Variants in GSK3B observed in about 807,000 individuals in gnomAD.
GSK3B encodes the protein glycogen synthase kinase 3 beta.
Under a neutral mutation model 56.4 loss-of-function variants are expected in GSK3B, and 15 were observed. That is an observed-to-expected ratio of 0.27 (90% confidence interval 0.18 to 0.41). The LOEUF is 0.41. Ranked by LOEUF, GSK3B falls within the 10% of genes least tolerant of loss-of-function variation. The pLI, the probability that GSK3B is intolerant of heterozygous loss-of-function variation, is 1.00. For missense variants in GSK3B, 300 were observed against 513.4 expected, an observed-to-expected ratio of 0.58 and a Z score of 4.02; for synonymous variants, 181 against 188.9, an observed-to-expected ratio of 0.96 and a Z score of 0.34.
intron 2 of GSK3B, among the ~76,000 whole-genome samples, chr3:119,962,026 A>C (rs2057277225): frequency 6.6e-6 from 1 of 152,226 alleles, no homozygotes; most frequent in South Asian, 2.1e-4. Context: ...TTTTTAACTT[A>C]CAATGAGTTT....
At chr3:119,910,417 G>T (rs1018729906) in intron 6 of GSK3B, among the ~76,000 whole-genome samples, 1 of 152,058 alleles carries the variant, frequency 6.6e-6, no homozygotes, top group African/African-American at 2.4e-5. Context: ...TCTATTACTT[G>T]TATAATAGAA....
At position 119,822,918 on chromosome 3, in the gene GSK3B, C is replaced by T. The variant is rs982307108; in HGVS notation, c.*3870G>A. 6.1e-5 allele frequency: 14 copies of T among 229,244 alleles called. No homozygotes were observed. The highest frequency in any genetic ancestry group is 3.1e-4 in the African/African-American group (14 of 45,250). The allele number at this position is 229,244 out of a possible 1,614,324, so 14.2% of individuals were successfully genotyped here. ...GGAAAGGGAAAAATAGATGAAATGC[C>T]AGTGTCTTCATATCCACAGGGATAG... On this transcript the variant is annotated 3_prime_UTR_variant, in exon 11 of 11. Transcript: ENST00000264235.
At chr3:119,874,925 T>C (rs2056293376) in intron 8 of GSK3B, among the ~76,000 whole-genome samples, 2 of 152,082 alleles carry the variant, frequency 1.3e-5, no homozygotes, top group South Asian at 4.1e-4. Context: ...GGACTCAAAC[T>C]GTAATGCAGC....
intron 2 of GSK3B, among the ~76,000 whole-genome samples, chr3:119,978,681 C>CCT (rs375903645): frequency 2.7e-5 from 4 of 150,604 alleles, no homozygotes; most frequent in Non-Finnish European, 5.9e-5. Context: ...TTTTTTTCTT[C>CCT]CTCTCTCTCT....
At chr3:119,892,256 G>T (rs1196848482) in intron 7 of GSK3B, among the ~76,000 whole-genome samples, 1 of 152,062 alleles carries the variant, frequency 6.6e-6, no homozygotes, top group Non-Finnish European at 1.5e-5. Context: ...AAGCTAATGT[G>T]ATCTGGCCAC....
At chr3:119,907,221 T>C (rs1196931105) in intron 6 of GSK3B, among the ~76,000 whole-genome samples, 1 of 152,094 alleles carries the variant, frequency 6.6e-6, no homozygotes, top group African/African-American at 2.4e-5. Flanking sequence ...TGCACTCAAC[T>C]TTTTTCCTCT....
intron 1 of GSK3B, among the ~76,000 whole-genome samples, chr3:120,039,716 C>T (rs562722435): frequency 8.5e-5 from 13 of 152,318 alleles, no homozygotes; most frequent in Admixed American, 2.0e-4. Context: ...CCAGCCCATG[C>T]GGGAGTGACA....
chr3:120,083,924 C>T (rs887402132), intron 1 of GSK3B, among the ~76,000 whole-genome samples: 1 of 152,100 alleles, frequency 6.6e-6, no homozygotes, highest in Non-Finnish European at 1.5e-5. Flanking sequence ...CCAGAACAGG[C>T]AAATCTATAA....
intron 1 of GSK3B, among the ~76,000 whole-genome samples, chr3:120,017,118 T>C (rs1448658561): frequency 6.6e-6 from 1 of 152,194 alleles, no homozygotes; most frequent in Non-Finnish European, 1.5e-5. Flanking sequence ...GTAGACACTA[T>C]ATTTAAATTT....
At chr3:119,937,397 A>G (rs1234679038) in intron 3 of GSK3B, among the ~76,000 whole-genome samples, 4 of 152,038 alleles carry the variant, frequency 2.6e-5, no homozygotes, top group African/African-American at 4.8e-5. Flanking sequence ...CCACGTAACC[A>G]CTGCATATGT....
intron 7 of GSK3B, among the ~76,000 whole-genome samples, chr3:119,878,769 T>C (rs2056344393): frequency 6.6e-6 from 1 of 152,110 alleles, no homozygotes; most frequent in African/African-American, 2.4e-5. Flanking sequence ...ACTCAGTAAT[T>C]TAAAAAGAAC....
At chr3:119,985,442 C>T (rs1217351474) in intron 2 of GSK3B, among the ~76,000 whole-genome samples, 3 of 152,222 alleles carry the variant, frequency 2.0e-5, no homozygotes, top group Non-Finnish European at 2.9e-5. Context: ...AAAACTCCAC[C>T]GTCTCAGCCC....
intron 1 of GSK3B, among the ~76,000 whole-genome samples, chr3:120,043,602 T>A (rs1214054376): frequency 6.6e-6 from 1 of 152,188 alleles, no homozygotes; most frequent in African/African-American, 2.4e-5. Context: ...GCAGATATCA[T>A]CTGGACTACC....
intron 2 of GSK3B, among the ~76,000 whole-genome samples, chr3:119,995,657 A>G (rs536180163): frequency 7.9e-5 from 12 of 151,656 alleles, no homozygotes; most frequent in Admixed American, 2.0e-4. Context: ...ATCTCCTCAC[A>G]TCGTGATCCA....
At chr3:120,020,842 T>C (rs2057870412) in intron 1 of GSK3B, among the ~76,000 whole-genome samples, 1 of 152,308 alleles carries the variant, frequency 6.6e-6, no homozygotes, top group South Asian at 2.1e-4. Flanking sequence ...GGAAAAGTTC[T>C]TGAAGGAAAT....
At chr3:119,982,857 C>G (rs186892326) in intron 2 of GSK3B, among the ~76,000 whole-genome samples, 19 of 152,248 alleles carry the variant, frequency 1.2e-4, no homozygotes, top group Middle Eastern at 3.4e-3. Context: ...ATAGAGAGAA[C>G]ACCACAAAGA....
chr3:120,074,254 C>A (rs935316078), intron 1 of GSK3B, among the ~76,000 whole-genome samples: 9 of 151,028 alleles, frequency 6.0e-5, no homozygotes, highest in Non-Finnish European at 1.2e-4. Context: ...GAATGTACAT[C>A]GCACCACCGC....
chr3:119,962,892 C>A (rs1314782216), intron 2 of GSK3B, among the ~76,000 whole-genome samples: 1 of 152,116 alleles, frequency 6.6e-6, no homozygotes, highest in Non-Finnish European at 1.5e-5. Context: ...GGTTCATGTT[C>A]CTATGGGAAT....
chr3:119,997,236 C>T (rs903879874), intron 2 of GSK3B, among the ~76,000 whole-genome samples: 17 of 152,016 alleles, frequency 1.1e-4, no homozygotes, highest in African/African-American at 3.9e-4. Context: ...AGAAGATGCC[C>T]AAGTTCAAAA....
Sources: gnomAD v4.1 joint callset for allele counts (sites outside exome capture counted in the v4.1 genomes callset) on GRCh38, gnomAD v4.1.1 for gene constraint, MANE v1.5 for transcripts, NCBI Gene and HGNC (gene_info 2026-07-23, HGNC 2026-07-21) for gene names.